The following CNTNAP2 variants were observed in gnomAD, a reference collection of about 807,000 sequenced individuals.
CNTNAP2 encodes contactin associated protein 2.
Under a neutral mutation model 155.2 loss-of-function variants are expected in CNTNAP2, and 98 were observed. The observed-to-expected ratio is 0.63, with a 90% CI of 0.54 to 0.75. The LOEUF (loss-of-function observed/expected upper bound fraction) is 0.75. Among genes scored for constraint, CNTNAP2 ranks in the 30% least tolerant of loss-of-function variants. The pLI, the probability that CNTNAP2 is intolerant of heterozygous loss-of-function variation, is 0.00. For missense variants in CNTNAP2, 1,727 were observed against 1,688.1 expected (o/e 1.02, Z -0.40); for synonymous variants, 651 against 631.2 (o/e 1.03, Z -0.47).
At chr7:147,414,941 C>CAAAAAAAAAAAAAA (rs67048724) in intron 10 of CNTNAP2, among the ~76,000 whole-genome samples, 96 of 50,706 alleles carry the variant, frequency 1.9e-3, no homozygotes, top group Non-Finnish European at 2.2e-3. Context: ...GACTCCTTCT[C>CAAAAAAAAAAAAAA]AAAAAAAAAA....
At chr7:147,969,301 T>C (rs1307812633) in intron 14 of CNTNAP2, among the ~76,000 whole-genome samples, 1 of 152,174 alleles carries the variant, frequency 6.6e-6, no homozygotes, top group African/African-American at 2.4e-5. Flanking sequence ...TCCTCCCATC[T>C]TGATCTCCCA....
chr7:147,486,076 T>A, intron 11 of CNTNAP2, 35 bp downstream of exon 11: 1 of 1,558,206 alleles, frequency 6.4e-7, no homozygotes, highest in Non-Finnish European at 8.9e-7. Context: ...AATCTTGTAA[T>A]TGCATGAGAA....
intron 9 of CNTNAP2, among the ~76,000 whole-genome samples, chr7:147,308,393 C>CT (rs1182857879): frequency 6.6e-6 from 1 of 152,130 alleles, no homozygotes. Flanking sequence ...ACAGTGGCAA[C>CT]TATTGCAGTA....
rs1796997600 is a variant in CNTNAP2, at chr7:146,483,285, ATATAT to A, written c.98-290985_98-290981del. ...AGCAAGACTCCGTCTAAAAAAAAAT[ATATAT>A]ATATATATATATATATATATATATA... On this transcript the variant is annotated intron_variant, in intron 1 of 23. Coordinates refer to ENST00000361727, the MANE Select transcript of CNTNAP2 (RefSeq NM_014141.6). 4.3e-3 allele frequency among the ~76,000 whole-genome samples: 203 copies of A among 47,216 alleles called. 11 individuals carry two copies. The highest frequency in any genetic ancestry group is 7.4e-3 in the South Asian group (11 of 1,494). 31.0% of individuals were successfully genotyped at this position (47,216 alleles called of 152,430 possible).
chr7:148,262,571 C>A (rs1017282228), intron 20 of CNTNAP2, among the ~76,000 whole-genome samples: 1 of 152,128 alleles, frequency 6.6e-6, no homozygotes, highest in Non-Finnish European at 1.5e-5. Context: ...CCCTTCCTCA[C>A]GTCACTCTAA....
At chr7:146,569,707 C>G (rs1041089959) in intron 1 of CNTNAP2, among the ~76,000 whole-genome samples, 1 of 152,276 alleles carries the variant, frequency 6.6e-6, no homozygotes, top group South Asian at 2.1e-4. Context: ...GGGCAAAAAG[C>G]ATGTGTGCTG....
chr7:148,052,366 A>AG (rs1481114873), intron 15 of CNTNAP2, among the ~76,000 whole-genome samples: 3 of 151,548 alleles, frequency 2.0e-5, no homozygotes, highest in Non-Finnish European at 2.9e-5. Context: ...GGTGATGGAA[A>AG]AAAAAAAAAA....
rs182704559 is a variant in CNTNAP2 at position 146,994,212 on chromosome 7, T to A, written c.403-49695T>A. Among the ~76,000 whole-genome samples, 808 of 152,228 alleles carry A rather than the reference T, an allele frequency of 5.3e-3. 8 individuals carry two copies. Among genetic ancestry groups the A allele is most frequent in the African/African-American group, 0.017 (718 of 41,560 alleles). On this transcript the variant is annotated intron_variant, in intron 3 of 23. Coordinates refer to ENST00000361727, the MANE Select transcript of CNTNAP2 (RefSeq NM_014141.6). ...AGGGAGCTGGGTTTTGATTTTTTTT[T>A]AAACAAATTCTTTTCTAATGCATTT...
intron 14 of CNTNAP2, among the ~76,000 whole-genome samples, chr7:147,948,681 A>G (rs761949225): frequency 1.3e-5 from 2 of 150,196 alleles, no homozygotes; most frequent in Non-Finnish European, 1.5e-5. Flanking sequence ...GTGTGTGTGT[A>G]TATATATACA....
At chr7:146,699,789 G>A (rs1320092743) in intron 1 of CNTNAP2, among the ~76,000 whole-genome samples, 1 of 151,946 alleles carries the variant, frequency 6.6e-6, no homozygotes, top group African/African-American at 2.4e-5. Context: ...CCAACACAGC[G>A]AAACCCCGTC....
chr7:146,339,283 TTACA>T (rs1313052002), intron 1 of CNTNAP2, among the ~76,000 whole-genome samples: 8 of 152,178 alleles, frequency 5.3e-5, no homozygotes, highest in African/African-American at 1.7e-4. Flanking sequence ...ACACACAGAC[TTACA>T]TACACAGGGC....
chr7:148,122,066 C>T (rs1048516054), intron 16 of CNTNAP2, among the ~76,000 whole-genome samples: 5 of 152,140 alleles, frequency 3.3e-5, no homozygotes, highest in African/African-American at 4.8e-5. Flanking sequence ...TTTCAGGCCT[C>T]GTTCCAGGCG....
chr7:146,938,227 G>A (rs1796965781), intron 3 of CNTNAP2, among the ~76,000 whole-genome samples: 1 of 152,042 alleles, frequency 6.6e-6, no homozygotes, highest in Non-Finnish European at 1.5e-5. Context: ...CACATACTAT[G>A]TGACTCATCT....
intron 15 of CNTNAP2, among the ~76,000 whole-genome samples, chr7:148,070,686 C>A (rs767605795): frequency 6.6e-6 from 1 of 152,170 alleles, no homozygotes; most frequent in African/African-American, 2.4e-5. Context: ...CCACTGCACT[C>A]CAGCCTGGGT....
intron 15 of CNTNAP2, among the ~76,000 whole-genome samples, chr7:147,996,505 G>A (rs920094324): frequency 6.6e-6 from 1 of 152,204 alleles, no homozygotes; most frequent in African/African-American, 2.4e-5. Flanking sequence ...GTGACATTGG[G>A]AAAGTTATTT....
At chr7:147,201,942 C>T (rs981155778) in intron 8 of CNTNAP2, among the ~76,000 whole-genome samples, 1 of 151,924 alleles carries the variant, frequency 6.6e-6, no homozygotes. Context: ...TGCAAAAAGA[C>T]AAGCAAAAAG....
At chr7:148,280,744 C>T (rs1796961949) in intron 21 of CNTNAP2, among the ~76,000 whole-genome samples, 1 of 151,882 alleles carries the variant, frequency 6.6e-6, no homozygotes, top group African/African-American at 2.4e-5. Flanking sequence ...CACGGCAAAA[C>T]CCCGTCTCTA....
At chr7:146,335,958 G>T (rs1260466245) in intron 1 of CNTNAP2, among the ~76,000 whole-genome samples, 1 of 152,130 alleles carries the variant, frequency 6.6e-6, no homozygotes, top group East Asian at 1.9e-4. Flanking sequence ...CCAGCACTTT[G>T]GGAGGCTGAG....
intron 2 of CNTNAP2, among the ~76,000 whole-genome samples, chr7:146,819,828 C>T (rs1803241423): frequency 6.6e-6 from 1 of 152,142 alleles, no homozygotes; most frequent in South Asian, 2.1e-4. Context: ...CTTCTTTTCA[C>T]TTGCCATAGT....
Sources: gnomAD v4.1 joint callset for allele counts (sites outside exome capture counted in the v4.1 genomes callset) on GRCh38, gnomAD v4.1.1 for gene constraint, MANE v1.5 for transcripts, NCBI Gene and HGNC (gene_info 2026-07-23, HGNC 2026-07-21) for gene names.